WRNIP1: variants seen among roughly 807,000 people sequenced by gnomAD.
The protein encoded by WRNIP1 is ATPase WRNIP1.
In WRNIP1, 41 loss-of-function variants were observed where a neutral mutation model predicts 56.1. That is an observed-to-expected ratio of 0.73 (90% confidence interval 0.57 to 0.95). WRNIP1 has a LOEUF of 0.95. Ranked by LOEUF, WRNIP1 falls within the 40% of genes least tolerant of loss-of-function variation. The probability of loss-of-function intolerance (pLI) is 0.00; values close to 1 mark genes in which losing one functional copy is unlikely to be tolerated. For missense variants in WRNIP1, 1,170 were observed against 939.4 expected (o/e 1.25, Z -3.21); for synonymous variants, 547 against 398.1 (o/e 1.37, Z -4.45).
At chr6:2,777,957 G>A (rs1765470718) in intron 3 of WRNIP1, among the ~76,000 whole-genome samples, 1 of 152,220 alleles carries the variant, frequency 6.6e-6, no homozygotes, top group Non-Finnish European at 1.5e-5. Flanking sequence ...TGTCTTAGGT[G>A]TGGTGAGAGA....
In WRNIP1 at chr6:2,786,566, A is replaced by G. The variant is rs1008362447; in HGVS notation, c.*1284A>G. 6.6e-6 allele frequency: 1 copy of G among 152,232 alleles called. No homozygotes were observed. Among genetic ancestry groups the G allele is most frequent in the Non-Finnish European group, 1.5e-5 (1 of 68,088 alleles). 9.4% of individuals were successfully genotyped at this position (152,232 alleles called of 1,614,324 possible). On this transcript the variant is annotated 3_prime_UTR_variant, in exon 7 of 7. Transcript: ENST00000380773. ...CTGGCACAGGTGGCATGTACCCTCT[A>G]GTAGCTTTATGGAGCAGGGGTGTGT...
rs747299780 is a variant in WRNIP1 at position 2,765,652 on chromosome 6, C to A, written c.30C>A (p.Pro10=). 1 of 1,546,434 alleles carries A rather than the reference C, an allele frequency of 6.5e-7. No individual in the cohort carries two copies. MEVSGPEDD[P]FLSQLHQVQC... ...AGGTGAGCGGGCCGGAAGACGACCC[C>A]TTCCTTTCGCAGCTGCACCAGGTGC... The change falls in exon 1 of 7, where the codon CCC becomes CCA. Residue 10 remains proline, a synonymous_variant. Coordinates refer to ENST00000380773, the MANE Select transcript of WRNIP1 (RefSeq NM_020135.3).
At chr6:2,775,536 C>T (rs183984011) in intron 3 of WRNIP1, among the ~76,000 whole-genome samples, 214 of 152,308 alleles carry the variant, frequency 1.4e-3, no homozygotes, top group South Asian at 4.8e-3. Flanking sequence ...CATGCATATT[C>T]TTTCATTCTG....
chr6:2,774,079 G>A, intron 3 of WRNIP1: 2 of 985,440 alleles, frequency 2.0e-6, no homozygotes, highest in South Asian at 9.4e-5. Flanking sequence ...AAGAAAGGTA[G>A]TGGAACTCCA....
chr6:2,779,155 C>A, intron 3 of WRNIP1, 108 bp from the exon 4 acceptor site: 1 of 1,174,948 alleles, frequency 8.5e-7, no homozygotes, highest in Non-Finnish European at 1.2e-6. Context: ...AGGCAAAGGC[C>A]TTGAACTCTT....
In WRNIP1 at chr6:2,765,774, C is replaced by T. The variant is rs1764922448; in HGVS notation, c.152C>T (p.Ala51Val). ...LLHPAGHAEP[A>V]AGSHRAGERA... ...CACCCGGCGGGGCACGCGGAGCCCG[C>T]GGCCGGGTCGCACCGCGCCGGGGAG... The change falls in exon 1 of 7, where the codon GCG (alanine) becomes GTG (valine). Residue 51 changes from alanine to valine, a missense_variant. By Grantham distance (64) the Ala-to-Val change is moderately conservative. Transcript: ENST00000380773. 3 of 1,455,532 alleles carry T rather than the reference C, an allele frequency of 2.1e-6. No individual in the cohort carries two copies. The highest frequency in any genetic ancestry group is 1.5e-5 in the African/African-American group (1 of 68,236). The allele number at this position is 1,455,532 out of a possible 1,614,324, so 90.2% of individuals were successfully genotyped here.
chr6:2,774,273 A>G (rs1581137466), intron 3 of WRNIP1: 3 of 985,324 alleles, frequency 3.0e-6, no homozygotes, highest in Non-Finnish European at 3.6e-6. Context: ...CCTTGGATGC[A>G]CTTCCTGTGG....
chr6:2,782,849 C>T lies in WRNIP1; in HGVS notation c.1487-557C>T, dbSNP rs7750399. On this transcript the variant is annotated intron_variant, in intron 4 of 6. Coordinates refer to ENST00000380773, the MANE Select transcript of WRNIP1 (RefSeq NM_020135.3). ...CTGGTTAGTCCACGTGTCGGTCCTT[C>T]TGGGACCCTGCCACACAGGTGTCCC... Among the ~76,000 whole-genome samples the T allele has an allele frequency of 5.7e-3, 868 of 152,334 alleles. 11 individuals are homozygous for T. Among genetic ancestry groups the T allele is most frequent in the African/African-American group, 0.02 (829 of 41,564 alleles).
intron 1 of WRNIP1, 95 bp from the exon 2 acceptor site, chr6:2,768,596 G>A: frequency 9.2e-7 from 1 of 1,091,916 alleles, no homozygotes. Context: ...AGTTGCTTTT[G>A]GTAAATAGTG....
intron 4 of WRNIP1, among the ~76,000 whole-genome samples, chr6:2,781,653 A>ACT (rs771341600): frequency 6.6e-6 from 1 of 152,122 alleles, no homozygotes. Flanking sequence ...ATGAGAGCAA[A>ACT]CTCTCTGCCA....
chr6:2,784,508 A>T (rs1287260097), intron 6 of WRNIP1, 105 bp downstream of exon 6: 3 of 1,168,246 alleles, frequency 2.6e-6, no homozygotes, highest in Non-Finnish European at 3.7e-6. Flanking sequence ...GGTGTATTGG[A>T]CCCACTGAGT....
rs1409532036 is a variant in WRNIP1, at chr6:2,777,819, C to G, written c.1257-1444C>G. ...TGTTTTTTTGTTGTTCTGGTGAGGT[C>G]TGCTGAGAGAATGCTACCATCAGGA... is the stretch of plus-strand genomic sequence containing the variant. On this transcript the variant is annotated intron_variant, in intron 3 of 6. Coordinates refer to ENST00000380773, the MANE Select transcript of WRNIP1 (RefSeq NM_020135.3). Among the ~76,000 whole-genome samples, 4 of 152,140 alleles carry G rather than the reference C, an allele frequency of 2.6e-5. No individual in the cohort carries two copies. The East Asian group carries it at 5.8e-4, about 22-fold the overall frequency.
Position 2,765,994 on chromosome 6 carries a change from C to G in WRNIP1, c.372C>G (p.Pro124=). Residue 124 remains proline, a synonymous_variant, in exon 1 of 7, where the codon CCC becomes CCG. Coordinates refer to ENST00000380773, the MANE Select transcript of WRNIP1 (RefSeq NM_020135.3). ...PPTPSGARLI[P]DFPVARSSSP... is the part of the protein sequence containing the mutation. ...CACCCAGCGGCGCCCGCCTTATCCCCGACTTCCCGGTGGCCCGCTCCAGCA... is the reference window on the plus strand; with the variant it reads ...CACCCAGCGGCGCCCGCCTTATCCCGGACTTCCCGGTGGCCCGCTCCAGCA... 3 of 1,383,140 alleles carry G rather than the reference C, an allele frequency of 2.2e-6. No individual in the cohort carries two copies. Among genetic ancestry groups the G allele is most frequent in the Non-Finnish European group, 2.8e-6 (3 of 1,066,392 alleles). The allele number at this position is 1,383,140 out of a possible 1,614,324, so 85.7% of individuals were successfully genotyped here.
intron 4 of WRNIP1, among the ~76,000 whole-genome samples, chr6:2,781,024 A>G (rs188101941): frequency 2.0e-5 from 3 of 152,358 alleles, no homozygotes; most frequent in Admixed American, 2.0e-4. Context: ...ACTGACCCGT[A>G]AATCCAGGTC....
intron 3 of WRNIP1, among the ~76,000 whole-genome samples, chr6:2,775,593 C>T (rs765727268): frequency 3.5e-4 from 53 of 152,218 alleles, no homozygotes; most frequent in Non-Finnish European, 6.5e-4. Context: ...CCTTCTCCAA[C>T]TTACATATCC....
chr6:2,766,218 C>T lies in WRNIP1; in HGVS notation c.596C>T (p.Ala199Val), dbSNP rs755655353. ...WDADAAEAAT[A>V]FGASGGGRPH... ...GCGGACGCTGCCGAAGCCGCCACCG[C>T]CTTCGGGGCCAGTGGCGGGGGCCGC... The change falls in exon 1 of 7, where the codon GCC becomes GTC. Residue 199 changes from alanine (A) to valine (V), a missense_variant. Coordinates refer to ENST00000380773, the MANE Select transcript of WRNIP1 (RefSeq NM_020135.3). 27 of 1,484,768 alleles carry T rather than the reference C, an allele frequency of 1.8e-5. No homozygotes were observed. Among genetic ancestry groups the T allele is most frequent in the Non-Finnish European group, 2.3e-5 (26 of 1,114,126 alleles). The allele number at this position is 1,484,768 out of a possible 1,614,324, so 92.0% of individuals were successfully genotyped here. A position where few individuals can be genotyped will look rare whatever the true frequency, so the allele number is the denominator to read the frequency against.
intron 5 of WRNIP1, 127 bp from the exon 6 acceptor site, chr6:2,784,196 GT>G: frequency 1.4e-6 from 1 of 740,480 alleles, no homozygotes; most frequent in Middle Eastern, 3.9e-4. Context: ...AAGTCAGGCT[GT>G]TTTGCTACAT....
chr6:2,772,384 G>A (rs1398359103), intron 3 of WRNIP1, among the ~76,000 whole-genome samples: 1 of 152,098 alleles, frequency 6.6e-6, no homozygotes, highest in African/African-American at 2.4e-5. Context: ...TGTGTCCCCC[G>A]CTTTCCTGGG....
intron 3 of WRNIP1, among the ~76,000 whole-genome samples, chr6:2,771,767 T>C (rs1200219179): frequency 6.6e-6 from 1 of 152,186 alleles, no homozygotes; most frequent in Admixed American, 6.5e-5. Flanking sequence ...GATACTCATG[T>C]GTAGGTTTCC....
Sources: allele counts gnomAD v4.1 joint callset (sites outside exome capture counted in the v4.1 genomes callset), GRCh38; gene constraint gnomAD v4.1.1; transcripts MANE v1.5; gene names NCBI Gene and HGNC (gene_info 2026-07-23, HGNC 2026-07-21).